Variants in HEATR5A observed in about 807,000 individuals in gnomAD.
The protein encoded by HEATR5A is HEAT repeat-containing protein 5A.
Under a neutral mutation model 218.8 loss-of-function variants are expected in HEATR5A, and 178 were observed. That is an observed-to-expected ratio of 0.81 (90% CI 0.72 to 0.92). The LOEUF is 0.92. HEATR5A is among the 40% of genes least tolerant of loss of function. HEATR5A has a pLI of 0.00. For synonymous variants in HEATR5A, 864 were observed against 871.6 expected, an observed-to-expected ratio of 0.99 and a Z score of 0.15; for missense variants, 2,420 against 2,418.9, an observed-to-expected ratio of 1.00 and a Z score of -0.01.
intron 1 of HEATR5A, among the ~76,000 whole-genome samples, chr14:31,413,250 T>G (rs2139326617): frequency 6.6e-6 from 1 of 152,228 alleles, no homozygotes; most frequent in Admixed American, 6.5e-5. Context: ...CACATCTTAT[T>G]AGGATGGAGA....
In HEATR5A at chr14:31,305,146, C is replaced by A; in HGVS notation, c.4998G>T (p.Leu1666=). The change falls in exon 32 of 36, where the codon CTG becomes CTT. Residue 1666 remains leucine (L), a synonymous_variant. Coordinates refer to ENST00000543095, the MANE Select transcript of HEATR5A (RefSeq NM_015473.4). Reference sequence around the variant, plus strand: ...TGTCCTTTCCCTCTCCAAACTCTGGCAGAGTTTCCTTTTCAGCAGCCCCAT... The same window carrying A: ...TGTCCTTTCCCTCTCCAAACTCTGGAAGAGTTTCCTTTTCAGCAGCCCCAT... The part of the protein sequence containing the change: ...VDDGAAEKET[L]PEFGEGKDTG... The A allele has an allele frequency of 2.5e-6, 4 of 1,613,916 alleles. No individual in the cohort carries two copies. The highest frequency in any genetic ancestry group is 2.5e-6 in the Non-Finnish European group (3 of 1,179,882).
intron 14 of HEATR5A, among the ~76,000 whole-genome samples, chr14:31,359,285 A>AGTGTGTGTGTGTGTGT (rs1901535212): frequency 7.9e-4 from 10 of 12,580 alleles, no homozygotes; most frequent in Admixed American, 2.0e-3. Flanking sequence ...TCAAAGTGTA[A>AGTGTGTGTGTGTGTGT]GAGTGTGTGT....
At chr14:31,341,272 A>G (rs1900830236) in intron 21 of HEATR5A, among the ~76,000 whole-genome samples, 1 of 152,210 alleles carries the variant, frequency 6.6e-6, no homozygotes, top group Admixed American at 6.5e-5. Context: ...GTCTGATAAT[A>G]TAATAATCTC....
chr14:31,411,058 T>C (rs1321044207), intron 1 of HEATR5A, among the ~76,000 whole-genome samples: 1 of 152,092 alleles, frequency 6.6e-6, no homozygotes, highest in Non-Finnish European at 1.5e-5. Context: ...ATATGAAAAA[T>C]GCAAAAACTT....
chr14:31,325,248 TTCTC>T (rs1900225593), intron 23 of HEATR5A, among the ~76,000 whole-genome samples: 1 of 152,186 alleles, frequency 6.6e-6, no homozygotes, highest in Non-Finnish European at 1.5e-5. Context: ...CTCATTTATT[TTCTC>T]TCTTACTCCA....
chr14:31,375,298 C>T (rs947299712), intron 11 of HEATR5A, among the ~76,000 whole-genome samples: 2 of 152,198 alleles, frequency 1.3e-5, no homozygotes, highest in African/African-American at 4.8e-5. Flanking sequence ...AAGGGCTTGT[C>T]AGGTCCAAAT....
chr14:31,297,951 CAG>C (rs1219236403), intron 33 of HEATR5A, among the ~76,000 whole-genome samples: 4 of 152,170 alleles, frequency 2.6e-5, no homozygotes, highest in Admixed American at 2.6e-4. Context: ...GAAACTGCAA[CAG>C]AGTCAGCTAA....
chr14:31,400,591 A>C (rs1328082025), intron 2 of HEATR5A, 79 bp from the exon 3 acceptor site: 1 of 948,116 alleles, frequency 1.1e-6, no homozygotes, highest in East Asian at 2.7e-5. Context: ...TTTCTTTCAT[A>C]TATTTAAGAA....
chr14:31,342,314 G>A (rs1900866736), intron 21 of HEATR5A, among the ~76,000 whole-genome samples: 1 of 152,166 alleles, frequency 6.6e-6, no homozygotes, highest in Non-Finnish European at 1.5e-5. Flanking sequence ...CTTGAGCCCA[G>A]GAGTTCGAGG....
intron 14 of HEATR5A, among the ~76,000 whole-genome samples, chr14:31,362,802 T>C (rs1456307785): frequency 6.6e-6 from 1 of 151,212 alleles, no homozygotes; most frequent in Non-Finnish European, 1.5e-5. Context: ...AAAAAAGACT[T>C]CCATTATTTA....
In HEATR5A at chr14:31,296,031, T is replaced by C. The variant is rs1248932685; in HGVS notation, c.5497A>G (p.Ser1833Gly). 1 of 1,613,618 alleles carries C rather than the reference T, an allele frequency of 6.2e-7. No homozygotes were observed. The highest frequency in any genetic ancestry group is 1.7e-5 in the Admixed American group (1 of 60,020). ...AACACTGTGATAGCAGTAAGTAGACTGACTTCATCAAGTTCTTGGTGTGTT... is the reference window on the plus strand; with the variant it reads ...AACACTGTGATAGCAGTAAGTAGACCGACTTCATCAAGTTCTTGGTGTGTT... ...DETHQELDEV[S>G]LLTAITVFIL... The change falls in exon 34 of 36, where the codon AGT becomes GGT. Residue 1833 changes from serine to glycine, a missense_variant. By Grantham distance (56) the Ser-to-Gly change is moderately conservative. Transcript: ENST00000543095.
chr14:31,389,046 TAA>T, intron 6 of HEATR5A, 41 bp from the exon 7 acceptor site: 1 of 1,490,802 alleles, frequency 6.7e-7, no homozygotes, highest in Non-Finnish European at 9.1e-7. Context: ...TTTTACAGAC[TAA>T]ATTTTAATGT....
chr14:31,383,804 A>C (rs2030092588), intron 9 of HEATR5A, 33 bp from the exon 10 acceptor site: 3 of 1,586,552 alleles, frequency 1.9e-6, no homozygotes, highest in Non-Finnish European at 8.6e-7. Flanking sequence ...ACTTAGGTAC[A>C]TAGATAAAAC....
chr14:31,325,464 T>G (rs553855655), intron 23 of HEATR5A, among the ~76,000 whole-genome samples: 2 of 151,324 alleles, frequency 1.3e-5, no homozygotes, highest in African/African-American at 4.9e-5. Flanking sequence ...GTGCGAGGGG[T>G]GGGGTGGGTA....
In HEATR5A at chr14:31,302,531, A is replaced by T; in HGVS notation, c.5240-12T>A. Reference sequence around the variant, plus strand: ...AATTGAGATGCTTCCTGTAAGATACATTTTTTAAAAACACACTGGATTTCA... The same window carrying T: ...AATTGAGATGCTTCCTGTAAGATACTTTTTTTAAAAACACACTGGATTTCA... On this transcript the variant is annotated splice_polypyrimidine_tract_variant and intron_variant, in intron 32 of 35. Coordinates refer to ENST00000543095, the MANE Select transcript of HEATR5A (RefSeq NM_015473.4). 4.6e-6 allele frequency: 7 copies of T among 1,522,846 alleles called. No homozygotes were observed. The highest frequency in any genetic ancestry group is 6.3e-6 in the Non-Finnish European group (7 of 1,119,398). The allele number at this position is 1,522,846 out of a possible 1,614,324, so 94.3% of individuals were successfully genotyped here.
chr14:31,361,436 G>C (rs1901611688), intron 14 of HEATR5A, among the ~76,000 whole-genome samples: 1 of 152,230 alleles, frequency 6.6e-6, no homozygotes, highest in African/African-American at 2.4e-5. Flanking sequence ...TTGCTCAAAG[G>C]AATGTCTAAG....
intron 22 of HEATR5A, among the ~76,000 whole-genome samples, chr14:31,331,812 A>G (rs1394437965): frequency 6.6e-6 from 1 of 152,182 alleles, no homozygotes; most frequent in Middle Eastern, 3.2e-3. Flanking sequence ...TGAAGGGGCA[A>G]GAGCCCCTTA....
intron 1 of HEATR5A, 94 bp from the exon 2 acceptor site, chr14:31,403,143 T>C (rs931782212): frequency 3.3e-6 from 2 of 603,564 alleles, no homozygotes; most frequent in Non-Finnish European, 5.5e-6. Context: ...ATTAAATGTA[T>C]ACATTTTTTA....
chr14:31,389,035 AT>A, intron 6 of HEATR5A, 30 bp from the exon 7 acceptor site: 1 of 1,538,680 alleles, frequency 6.5e-7, no homozygotes, highest in Non-Finnish European at 8.8e-7. Flanking sequence ...TGTGATTCAT[AT>A]TTTACAGACT....
Sources: allele counts gnomAD v4.1 joint callset (sites outside exome capture counted in the v4.1 genomes callset), GRCh38; gene constraint gnomAD v4.1.1; transcripts MANE v1.5; gene names NCBI Gene and HGNC (gene_info 2026-07-23, HGNC 2026-07-21).